The following BRINP3 variants were observed in gnomAD, a reference collection of about 807,000 sequenced individuals.
The protein encoded by BRINP3 is BMP/retinoic acid inducible neural specific 3, also known as BMP/retinoic acid-inducible neural-specific protein 3.
Under a neutral mutation model 71.0 loss-of-function variants are expected in BRINP3, and 19 were observed. That is an observed-to-expected ratio of 0.27 (90% CI 0.19 to 0.39). The LOEUF (loss-of-function observed/expected upper bound fraction) is 0.39, where lower values mean the gene tolerates loss of function less well. Among genes scored for constraint, BRINP3 ranks in the 10% least tolerant of loss-of-function variants. The pLI, the probability that BRINP3 is intolerant of heterozygous loss-of-function variation, is 1.00. For missense variants in BRINP3, 959 were observed against 940.8 expected (o/e 1.02, Z -0.25); for synonymous variants, 380 against 337.7 (o/e 1.13, Z -1.37).
chr1:190,473,066 A>G (rs1053773754), intron 1 of BRINP3, among the ~76,000 whole-genome samples: 1 of 151,906 alleles, frequency 6.6e-6, no homozygotes, highest in African/African-American at 2.4e-5. Context: ...TGTCTATTTC[A>G]TTTGGAAAAC....
chr1:190,374,137 A>C (rs1670039465), intron 2 of BRINP3, among the ~76,000 whole-genome samples: 1 of 152,046 alleles, frequency 6.6e-6, no homozygotes, highest in East Asian at 2.0e-4. Context: ...AATCTATGTG[A>C]GATGTGTATG....
At chr1:190,124,295 G>A (rs547229336) in intron 7 of BRINP3, among the ~76,000 whole-genome samples, 33 of 152,272 alleles carry the variant, frequency 2.2e-4, no homozygotes, top group Admixed American at 6.6e-4. Flanking sequence ...GACATAACAA[G>A]GCGGCCCTCA....
Position 190,281,644 on chromosome 1 carries a change from C to G in BRINP3, c.343G>C (p.Gly115Arg). Residue 115 changes from glycine to arginine, a missense_variant, in exon 3 of 8, where the codon GGA becomes CGA. Coordinates refer to ENST00000367462, the MANE Select transcript of BRINP3 (RefSeq NM_199051.3). ...ATTTGCTGAAGGGTAGGTCGACGTC[C>G]CAAAAGTCTTATGTTGCGGAAGAAT... is the stretch of plus-strand genomic sequence containing the variant. ...PEFFRNIRLL[G>R]RRPTLQQITE... The G allele has an allele frequency of 6.2e-7, 1 of 1,612,894 alleles. No individual in the cohort carries two copies. Among genetic ancestry groups the G allele is most frequent in the Non-Finnish European group, 8.5e-7 (1 of 1,179,326 alleles).
intron 1 of BRINP3, among the ~76,000 whole-genome samples, chr1:190,473,118 A>G (rs1305343694): frequency 6.6e-6 from 1 of 151,832 alleles, no homozygotes; most frequent in Non-Finnish European, 1.5e-5. Context: ...ACCTTCTCCC[A>G]CCACCAAAAA....
In BRINP3 at chr1:190,161,946, C is replaced by T. The variant is rs574960794; in HGVS notation, c.962-1056G>A. 1.1e-4 allele frequency among the ~76,000 whole-genome samples: 16 copies of T among 152,046 alleles called. No homozygotes were observed. In the South Asian group the frequency reaches 3.1e-3, roughly 30 times the overall value. ...GAAATATCAATGCTGGGAAATGCAA[C>T]TTTTTAACAATTCACAGTGAATTAT... On this transcript the variant is annotated intron_variant, in intron 6 of 7. Transcript: ENST00000367462.
At chr1:190,116,097 A>G (rs1653113441) in intron 7 of BRINP3, among the ~76,000 whole-genome samples, 1 of 152,128 alleles carries the variant, frequency 6.6e-6, no homozygotes, top group African/African-American at 2.4e-5. Context: ...GTTGTTTCCT[A>G]AAGCTGCGTA....
At chr1:190,246,113 C>A (rs1184301513) in intron 4 of BRINP3, among the ~76,000 whole-genome samples, 1 of 151,590 alleles carries the variant, frequency 6.6e-6, no homozygotes, top group Non-Finnish European at 1.5e-5. Flanking sequence ...GGGTATATAC[C>A]CAGTAATGGG....
intron 6 of BRINP3, among the ~76,000 whole-genome samples, chr1:190,182,515 A>G (rs1346580859): frequency 6.6e-6 from 1 of 151,964 alleles, no homozygotes; most frequent in Non-Finnish European, 1.5e-5. Context: ...TACTTTTACC[A>G]TCTCAATTTG....
intron 4 of BRINP3, among the ~76,000 whole-genome samples, chr1:190,252,760 C>CT (rs1280752852): frequency 6.6e-6 from 1 of 151,756 alleles, no homozygotes; most frequent in African/African-American, 2.4e-5. Context: ...TTGCATAGCA[C>CT]TTTCAGATGC....
intron 6 of BRINP3, among the ~76,000 whole-genome samples, chr1:190,201,040 G>A (rs1464017303): frequency 6.6e-6 from 1 of 152,130 alleles, no homozygotes; most frequent in African/African-American, 2.4e-5. Flanking sequence ...TTGGAACTGG[G>A]TAACAGGCAT....
chr1:190,232,087 A>T (rs55860259), intron 5 of BRINP3, among the ~76,000 whole-genome samples: 2 of 152,042 alleles, frequency 1.3e-5, no homozygotes, highest in Non-Finnish European at 2.9e-5. Flanking sequence ...ACTTAGAAAG[A>T]AAACACAACA....
At chr1:190,362,696 G>A (rs948202998) in intron 2 of BRINP3, among the ~76,000 whole-genome samples, 4 of 152,050 alleles carry the variant, frequency 2.6e-5, no homozygotes, top group African/African-American at 9.7e-5. Context: ...CACAGTAGTG[G>A]GTTAAGTCTC....
intron 2 of BRINP3, among the ~76,000 whole-genome samples, chr1:190,379,894 G>A (rs1670430927): frequency 6.6e-6 from 1 of 150,796 alleles, no homozygotes; most frequent in African/African-American, 2.4e-5. Flanking sequence ...AGCTACTCAG[G>A]AGGCTGAGGC....
intron 2 of BRINP3, among the ~76,000 whole-genome samples, chr1:190,301,531 C>A (rs1002436684): frequency 6.6e-6 from 1 of 151,266 alleles, no homozygotes; most frequent in African/African-American, 2.4e-5. Context: ...TCATTTATCT[C>A]TTTCCTTCCT....
chr1:190,437,845 TATAAC>T (rs1674566925), intron 2 of BRINP3, among the ~76,000 whole-genome samples: 2 of 151,810 alleles, frequency 1.3e-5, no homozygotes, highest in South Asian at 4.1e-4. Flanking sequence ...ACTTGTAAAA[TATAAC>T]ATATATTGTA....
chr1:190,381,267 A>C (rs1464705449), intron 2 of BRINP3, among the ~76,000 whole-genome samples: 1 of 151,786 alleles, frequency 6.6e-6, no homozygotes, highest in Non-Finnish European at 1.5e-5. Flanking sequence ...CTTTCCCTCC[A>C]CCAAAACAAA....
intron 6 of BRINP3, among the ~76,000 whole-genome samples, chr1:190,169,316 G>A (rs1651815432): frequency 6.6e-6 from 1 of 152,084 alleles, no homozygotes; most frequent in South Asian, 2.1e-4. Flanking sequence ...GCTTTCTCTG[G>A]TGACATTACT....
intron 2 of BRINP3, among the ~76,000 whole-genome samples, chr1:190,293,026 T>C (rs1466651503): frequency 1.3e-5 from 2 of 152,034 alleles, no homozygotes; most frequent in Non-Finnish European, 1.5e-5. Flanking sequence ...TCACTTTCAT[T>C]TATTTCTGCT....
chr1:190,156,238 G>A (rs947411550), intron 7 of BRINP3, among the ~76,000 whole-genome samples: 4 of 152,064 alleles, frequency 2.6e-5, no homozygotes, highest in African/African-American at 7.2e-5. Context: ...TATAGGAAAT[G>A]TGAAAATATC....
Sources: allele counts gnomAD v4.1 joint callset (sites outside exome capture counted in the v4.1 genomes callset), GRCh38; gene constraint gnomAD v4.1.1; transcripts MANE v1.5; gene names NCBI Gene and HGNC (gene_info 2026-07-23, HGNC 2026-07-21).